FAM89A: variants seen among roughly 807,000 people sequenced by gnomAD.
FAM89A encodes the protein family with sequence similarity 89 member A, also known as protein FAM89A.
Under a neutral mutation model 7.1 loss-of-function variants are expected in FAM89A, and 10 were observed. The observed-to-expected ratio is 1.40, with a 90% confidence interval of 0.86 to 2.38. FAM89A has a LOEUF of 2.38. FAM89A is among the 30% of genes most tolerant of loss of function. The pLI is 0.00. For missense variants in FAM89A, 276 were observed against 262.8 expected, an observed-to-expected ratio of 1.05 and a Z score of -0.35; for synonymous variants, 157 against 129.3, an observed-to-expected ratio of 1.21 and a Z score of -1.45.
At chr1:231,038,932 C>T (rs1235570283) in intron 1 of FAM89A, among the ~76,000 whole-genome samples, 2 of 152,116 alleles carry the variant, frequency 1.3e-5, no homozygotes, top group Non-Finnish European at 1.5e-5. Context: ...TAACAATTTA[C>T]CTATAGGGAA....
intron 1 of FAM89A, among the ~76,000 whole-genome samples, chr1:231,029,215 T>A (rs1423036060): frequency 6.6e-6 from 1 of 152,240 alleles, no homozygotes; most frequent in Non-Finnish European, 1.5e-5. Flanking sequence ...ATTTGCAGAT[T>A]ACAGGCTCAC....
chr1:231,033,659 C>T (rs1320360709), intron 1 of FAM89A, among the ~76,000 whole-genome samples: 1 of 151,966 alleles, frequency 6.6e-6, no homozygotes, highest in Non-Finnish European at 1.5e-5. Context: ...TTTACATTTA[C>T]ATTGAACAGA....
chr1:231,033,804 T>A (rs1259077121), intron 1 of FAM89A, among the ~76,000 whole-genome samples: 2 of 152,202 alleles, frequency 1.3e-5, no homozygotes, highest in Non-Finnish European at 2.9e-5. Flanking sequence ...TTTTTACTTT[T>A]AATCCTTTAT....
chr1:231,031,294 T>C (rs536162791), intron 1 of FAM89A, among the ~76,000 whole-genome samples: 10 of 152,294 alleles, frequency 6.6e-5, no homozygotes, highest in African/African-American at 1.9e-4. Flanking sequence ...TGAAGGAGTA[T>C]TTCAATAGCC....
chr1:231,039,892 AGAGCCCCAGCTCGCG>A lies in FAM89A; in HGVS notation c.291+14_291+28del, dbSNP rs1166360062. On this transcript the variant is annotated intron_variant, in intron 1 of 1. Transcript: ENST00000366654. Reference sequence around the variant, plus strand: ...CCCGGGACGGCGAGCCCGGCCGGGAAGAGCCCCAGCTCGCGGAGCCCCACTCACCATCTCTTTGCG... The same window carrying A: ...CCCGGGACGGCGAGCCCGGCCGGGAAGAGCCCCACTCACCATCTCTTTGCG... 1 of 1,285,792 alleles carries A rather than the reference AGAGCCCCAGCTCGCG, an allele frequency of 7.8e-7. No homozygotes were observed. Among genetic ancestry groups the A allele is most frequent in the African/African-American group, 1.6e-5 (1 of 64,392 alleles). 79.6% of individuals were successfully genotyped at this position (1,285,792 alleles called of 1,614,324 possible).
intron 1 of FAM89A, among the ~76,000 whole-genome samples, chr1:231,023,063 C>T (rs1489386156): frequency 6.6e-6 from 1 of 152,238 alleles, no homozygotes; most frequent in Non-Finnish European, 1.5e-5. Flanking sequence ...TCAGTTCCCA[C>T]TGCCTAACAT....
intron 1 of FAM89A, among the ~76,000 whole-genome samples, chr1:231,033,416 T>C (rs1343117229): frequency 6.6e-6 from 1 of 152,198 alleles, no homozygotes; most frequent in Admixed American, 6.5e-5. Flanking sequence ...CTGCGAAACT[T>C]CCATCTGCAG....
At chr1:231,035,748 T>C (rs769535168) in intron 1 of FAM89A, among the ~76,000 whole-genome samples, 7 of 152,184 alleles carry the variant, frequency 4.6e-5, no homozygotes, top group South Asian at 2.1e-4. Flanking sequence ...ATCTTTCAAA[T>C]TGTGGGACCC....
chr1:231,026,873 G>T (rs963756224), intron 1 of FAM89A: 1 of 151,790 alleles, frequency 6.6e-6, no homozygotes, highest in Admixed American at 6.6e-5. Flanking sequence ...ACTCTCTCGG[G>T]GTCACATAGT....
At chr1:231,030,726 T>TA (rs1558256204) in intron 1 of FAM89A, among the ~76,000 whole-genome samples, 1 of 152,222 alleles carries the variant, frequency 6.6e-6, no homozygotes, top group Non-Finnish European at 1.5e-5. Flanking sequence ...CCAAACACTC[T>TA]AAAAAATTAT....
chr1:231,022,687 T>C (rs1331521151), intron 1 of FAM89A, among the ~76,000 whole-genome samples: 1 of 152,138 alleles, frequency 6.6e-6, no homozygotes, highest in Non-Finnish European at 1.5e-5. Context: ...GAGTCAGAGG[T>C]CACCCGTGAT....
chr1:231,030,748 A>C (rs1680053185), intron 1 of FAM89A, among the ~76,000 whole-genome samples: 1 of 152,192 alleles, frequency 6.6e-6, no homozygotes, highest in South Asian at 2.1e-4. Context: ...GAAGGTCCCA[A>C]AGAGCTTTGG....
In FAM89A at chr1:231,025,267, G is replaced by A. The variant is rs944214125; in HGVS notation, c.292-5141C>T. Among the ~76,000 whole-genome samples the A allele has an allele frequency of 3.0e-4, 46 of 152,222 alleles. 1 individual carries two copies. The highest frequency in any genetic ancestry group is 1.1e-3 in the African/African-American group (46 of 41,536). Reference sequence around the variant, plus strand: ...CAGAATTTCTAAACTTTCTTAGGAAGAGACCTCAGCTGCAGGTCGGGAGCG... The same window carrying A: ...CAGAATTTCTAAACTTTCTTAGGAAAAGACCTCAGCTGCAGGTCGGGAGCG... On this transcript the variant is annotated intron_variant, in intron 1 of 1. Transcript: ENST00000366654.
intron 1 of FAM89A, among the ~76,000 whole-genome samples, chr1:231,020,624 C>G (rs1558253388): frequency 6.6e-6 from 1 of 152,166 alleles, no homozygotes. Context: ...GTGACATCCC[C>G]CTGGAGCACC....
chr1:231,026,868 C>G (rs1016762718), intron 1 of FAM89A: 1 of 152,130 alleles, frequency 6.6e-6, no homozygotes, highest in Non-Finnish European at 1.5e-5. Flanking sequence ...GCCACACTCT[C>G]TCGGGGTCAC....
chr1:231,027,503 C>A (rs1230337797), intron 1 of FAM89A, among the ~76,000 whole-genome samples: 1 of 152,170 alleles, frequency 6.6e-6, no homozygotes, highest in East Asian at 1.9e-4. Flanking sequence ...CCTCTCAATG[C>A]CACTGTCTTC....
chr1:231,023,007 T>C (rs1421121076), intron 1 of FAM89A, among the ~76,000 whole-genome samples: 1 of 152,226 alleles, frequency 6.6e-6, no homozygotes, highest in East Asian at 1.9e-4. Context: ...GTGTCCTCTC[T>C]TTTCTGATAA....
At chr1:231,037,788 C>T (rs1332670088) in intron 1 of FAM89A, among the ~76,000 whole-genome samples, 3 of 152,074 alleles carry the variant, frequency 2.0e-5, no homozygotes, top group South Asian at 4.1e-4. Flanking sequence ...GAAATTCTGT[C>T]GCCTTCTGAG....
intron 1 of FAM89A, among the ~76,000 whole-genome samples, chr1:231,020,373 C>T (rs574866451): frequency 6.6e-6 from 1 of 152,304 alleles, no homozygotes; most frequent in African/African-American, 2.4e-5. Flanking sequence ...GGGCAGCCTG[C>T]AGAATTTACC....
Sources: gnomAD v4.1 joint callset for allele counts (sites outside exome capture counted in the v4.1 genomes callset) on GRCh38, gnomAD v4.1.1 for gene constraint, MANE v1.5 for transcripts, NCBI Gene and HGNC (gene_info 2026-07-23, HGNC 2026-07-21) for gene names.